Variants in SMOC1 observed in about 807,000 individuals in gnomAD.
The protein encoded by SMOC1 is SPARC related modular calcium binding 1, also known as SPARC-related modular calcium-binding protein 1.
Under a neutral mutation model 56.3 loss-of-function variants are expected in SMOC1, and 22 were observed. The ratio of observed to expected loss-of-function variants is 0.39; its 90% CI spans 0.28 to 0.56. SMOC1 has a LOEUF of 0.56. Ranked by LOEUF, SMOC1 falls within the 20% of genes least tolerant of loss-of-function variation. SMOC1 has a pLI of 0.61. For missense variants in SMOC1, 509 were observed against 565.4 expected, an observed-to-expected ratio of 0.90 and a Z score of 1.01; for synonymous variants, 193 against 215.0, an observed-to-expected ratio of 0.90 and a Z score of 0.89.
intron 5 of SMOC1, among the ~76,000 whole-genome samples, chr14:69,990,933 GTTAGAGTCTCCATAGCTC>G (rs1188419629): frequency 6.6e-6 from 1 of 152,138 alleles, no homozygotes; most frequent in Non-Finnish European, 1.5e-5. Flanking sequence ...TCTAACAAGG[GTTAGAGTCTCCATAGCTC>G]TTGAATCTTA....
In SMOC1 at chr14:70,016,956, G is replaced by A. The variant is rs1885537465; in HGVS notation, c.1046+3465G>A. 2.0e-5 allele frequency among the ~76,000 whole-genome samples: 3 copies of A among 152,192 alleles called. No homozygotes were observed. In the South Asian group the frequency reaches 6.2e-4, roughly 32 times the overall value. On this transcript the variant is annotated intron_variant, in intron 10 of 11. Coordinates refer to ENST00000361956, the MANE Select transcript of SMOC1 (RefSeq NM_001034852.3). ...TCACGGTCTGATATTTTGCTGGCTT[G>A]TTGATATATTATCTGTCTCCCTAAA...
chr14:69,984,684 A>G (rs1190260181), intron 5 of SMOC1, among the ~76,000 whole-genome samples: 1 of 151,392 alleles, frequency 6.6e-6, no homozygotes. Context: ...CTCTACTAAA[A>G]AAAAAAAAAA....
At chr14:69,925,227 A>AGGGAGGAGGGGAAGCAG (rs1178446177) in intron 1 of SMOC1, among the ~76,000 whole-genome samples, 1 of 54,616 alleles carries the variant, frequency 1.8e-5, no homozygotes. Flanking sequence ...AGGGATGCTA[A>AGGGAGGAGGGGAAGCAG]GGGAGGAGGG....
At position 69,915,950 on chromosome 14, in the gene SMOC1, A is replaced by T. The variant is rs537156717; in HGVS notation, c.99+36173A>T. 3.5e-4 allele frequency among the ~76,000 whole-genome samples: 53 copies of T among 152,258 alleles called. No homozygotes were observed. In the Middle Eastern group the frequency reaches 0.01, roughly 29 times the overall value. On this transcript the variant is annotated intron_variant, in intron 1 of 11. Transcript: ENST00000361956. ...ACTCCCTATTCTCATTCCTTTGCTT[A>T]TCTTTTCTAATTTTATGGTTTAAAT...
At chr14:69,967,250 C>G (rs1249294306) in intron 3 of SMOC1, among the ~76,000 whole-genome samples, 1 of 152,356 alleles carries the variant, frequency 6.6e-6, no homozygotes, top group East Asian at 1.9e-4. Flanking sequence ...GGTAAATACT[C>G]TTAAAGGAAA....
chr14:70,024,859 G>C (rs949079820), intron 11 of SMOC1, among the ~76,000 whole-genome samples: 5 of 152,182 alleles, frequency 3.3e-5, no homozygotes, highest in Non-Finnish European at 5.9e-5. Flanking sequence ...AAAGTATTCT[G>C]GTTTCAGGGT....
chr14:69,900,073 A>G (rs1225747681), intron 1 of SMOC1, among the ~76,000 whole-genome samples: 2 of 152,152 alleles, frequency 1.3e-5, no homozygotes, highest in African/African-American at 4.8e-5. Context: ...GACACACACA[A>G]ACAGAGTGTG....
rs745513703 is a variant in SMOC1, at chr14:69,994,400, A to G, written c.584A>G (p.Glu195Gly). 6.2e-7 allele frequency: 1 copy of G among 1,613,532 alleles called. No individual in the cohort carries two copies. The highest frequency in any genetic ancestry group is 1.1e-5 in the South Asian group (1 of 91,076). Residue 195 changes from glutamate to glycine, a missense_variant and splice_region_variant, in exon 7 of 12, where the codon GAA becomes GGA. Glu to Gly is a moderately conservative substitution (Grantham distance 98). Around this residue, in one of 3 missense-constraint regions of SMOC1, gnomAD observed 315 missense variants for 333.1 expected, o/e 0.95. Coordinates refer to ENST00000361956, the MANE Select transcript of SMOC1 (RefSeq NM_001034852.3). Reference sequence around the variant, plus strand: ...TCTCTCTCCTTTTCCTCACCCCTAGAAATCACAGCCCCAACTCTATGGATT... The same window carrying G: ...TCTCTCTCCTTTTCCTCACCCCTAGGAATCACAGCCCCAACTCTATGGATT... Reference protein sequence around the residue: ...METQPVFDGDEITAPTLWIKH... With the variant: ...METQPVFDGDGITAPTLWIKH...
intron 3 of SMOC1, among the ~76,000 whole-genome samples, chr14:69,973,139 C>G (rs227447): frequency 0.29 from 43,730 of 152,166 alleles, 6,956 homozygotes; most frequent in East Asian, 0.47. Context: ...AATATCCCCT[C>G]TAGGGTGGAT....
At chr14:70,027,121 C>A (rs1023315719) in intron 11 of SMOC1, among the ~76,000 whole-genome samples, 4 of 152,172 alleles carry the variant, frequency 2.6e-5, no homozygotes, top group African/African-American at 9.7e-5. Context: ...CTGCTCTGGA[C>A]CCAAGCAGCC....
chr14:69,952,170 C>T lies in SMOC1; in HGVS notation c.132C>T (p.Asn44=). ...FLISDRDPQC[N]LHCSRTQPKP... is the part of the protein sequence containing the mutation. ...TAAGTGACCGTGACCCACAGTGCAA[C>T]CTCCACTGCTCCAGGACTCAACCCA... Residue 44 remains asparagine, a synonymous_variant, in exon 2 of 12, where the codon AAC becomes AAT. Coordinates refer to ENST00000361956, the MANE Select transcript of SMOC1 (RefSeq NM_001034852.3). 21 of 1,614,188 alleles carry T rather than the reference C, an allele frequency of 1.3e-5. No homozygotes were observed. Among genetic ancestry groups the T allele is most frequent in the Non-Finnish European group, 1.8e-5 (21 of 1,180,016 alleles).
At chr14:69,911,636 T>G (rs1594797861) in intron 1 of SMOC1, among the ~76,000 whole-genome samples, 1 of 152,256 alleles carries the variant, frequency 6.6e-6, no homozygotes, top group Non-Finnish European at 1.5e-5. Flanking sequence ...GCTGCTTTCA[T>G]GTACTATAAT....
chr14:69,973,810 T>C (rs1478174114), intron 3 of SMOC1, among the ~76,000 whole-genome samples: 1 of 152,230 alleles, frequency 6.6e-6, no homozygotes, highest in Non-Finnish European at 1.5e-5. Flanking sequence ...GCCTTTGTGA[T>C]AACTTTTGGA....
chr14:69,992,621 A>C lies in SMOC1; in HGVS notation c.583+148A>C, dbSNP rs1379480300. ...TCCCAGTGTAAGCTGGGTTGTTTTA[A>C]CCTTTTTAAAAAATGCAGATCCTCC... On this transcript the variant is annotated intron_variant, in intron 6 of 11. Transcript: ENST00000361956. The C allele has an allele frequency of 1.5e-5, 11 of 711,218 alleles. 2 individuals are homozygous for C. Among genetic ancestry groups the C allele is most frequent in the Non-Finnish European group, 2.6e-5 (11 of 419,622 alleles). 44.1% of individuals were successfully genotyped at this position (711,218 alleles called of 1,614,324 possible).
chr14:69,975,738 G>A lies in SMOC1; in HGVS notation c.402G>A (p.Gly134=), dbSNP rs138026115. ...FTQVQCHTYT[G]YCWCVTPDGK... ...AGGTGCAGTGCCATACTTACACTGG[G>A]TACTGCTGGTGTGTCACCCCGGATG... The change falls in exon 4 of 12, where the codon GGG becomes GGA. Residue 134 remains glycine (G), a synonymous_variant. Coordinates refer to ENST00000361956, the MANE Select transcript of SMOC1 (RefSeq NM_001034852.3). 6.2e-7 allele frequency: 1 copy of A among 1,613,076 alleles called. No individual in the cohort carries two copies. Among genetic ancestry groups the A allele is most frequent in the Non-Finnish European group, 8.5e-7 (1 of 1,179,884 alleles).
At chr14:69,961,270 G>GTATATATATA (rs1350815267) in intron 3 of SMOC1, among the ~76,000 whole-genome samples, 4 of 59,694 alleles carry the variant, frequency 6.7e-5, no homozygotes, top group African/African-American at 2.4e-4. Context: ...ATATTCTATT[G>GTATATATATA]TGTATATATA....
rs148063951 is a variant in SMOC1 at position 69,914,172 on chromosome 14, G to C, written c.99+34395G>C. Among the ~76,000 whole-genome samples, 1,190 of 152,322 alleles carry C rather than the reference G, an allele frequency of 7.8e-3. 8 individuals are homozygous for C. Among genetic ancestry groups the C allele is most frequent in the Middle Eastern group, 0.034 (10 of 294 alleles). On this transcript the variant is annotated intron_variant, in intron 1 of 11. Transcript: ENST00000361956. ...GCTGTCATTAACAAGCCCTGGGCGT[G>C]ATTCTGATGCTCCTAAAGTTTGAGA...
chr14:69,926,413 G>A (rs551733597), intron 1 of SMOC1, among the ~76,000 whole-genome samples: 9 of 152,298 alleles, frequency 5.9e-5, no homozygotes, highest in African/African-American at 1.7e-4. Flanking sequence ...GCCATGGGGC[G>A]GGACAGACTG....
chr14:69,942,839 G>A (rs1422007724), intron 1 of SMOC1, among the ~76,000 whole-genome samples: 14 of 152,186 alleles, frequency 9.2e-5, no homozygotes, highest in Non-Finnish European at 2.1e-4. Flanking sequence ...GGAGCATGTA[G>A]GTTAACTTGG....
Sources: gnomAD v4.1 joint callset for allele counts (sites outside exome capture counted in the v4.1 genomes callset) on GRCh38, gnomAD v4.1.1 for gene constraint, gnomAD v4.1.1 regional missense constraint, MANE v1.5 for transcripts, NCBI Gene and HGNC (gene_info 2026-07-23, HGNC 2026-07-21) for gene names.